SLC25A48: variants seen among roughly 807,000 people sequenced by gnomAD.
SLC25A48 encodes CTC-321K16.1.
SLC25A48 carries 29 observed loss-of-function variants against 32.2 expected under a neutral mutation model. The ratio of observed to expected loss-of-function variants is 0.90; its 90% confidence interval spans 0.67 to 1.23. SLC25A48 has a LOEUF of 1.23. SLC25A48 is among the 50% of genes most tolerant of loss of function. The probability of loss-of-function intolerance (pLI) is 0.00; values close to 1 mark genes in which losing one functional copy is unlikely to be tolerated. For synonymous variants in SLC25A48, 164 were observed against 172.3 expected (o/e 0.95, Z 0.38); for missense variants, 399 against 422.7 (o/e 0.94, Z 0.49).
In SLC25A48 at chr5:135,645,007, C is replaced by T. The variant is rs192593279; in HGVS notation, c.-521+10051C>T. Among the ~76,000 whole-genome samples the T allele has an allele frequency of 2.6e-5, 4 of 152,318 alleles. No individual in the cohort carries two copies. In the East Asian group the frequency reaches 5.8e-4, roughly 22 times the overall value. ...AGGCAAGGGGGATCCGCTTTCCTGTCTCCTGCTCCATCTGTCCCCATTCTA... is the reference window on the plus strand; with the variant it reads ...AGGCAAGGGGGATCCGCTTTCCTGTTTCCTGCTCCATCTGTCCCCATTCTA... On this transcript the variant is annotated intron_variant, in intron 3 of 10. Coordinates refer to the SLC25A48 transcript ENST00000646290.
At chr5:135,766,896 T>G (rs1400283856) in intron 3 of SLC25A48, among the ~76,000 whole-genome samples, 2 of 151,816 alleles carry the variant, frequency 1.3e-5, no homozygotes, top group African/African-American at 4.8e-5. Flanking sequence ...TCAGGGGGTG[T>G]GTACACTCTC....
At chr5:135,821,020 C>T (rs137914809) in intron 4 of SLC25A48, among the ~76,000 whole-genome samples, 216 of 152,324 alleles carry the variant, frequency 1.4e-3, no homozygotes, top group Non-Finnish European at 2.6e-3. Flanking sequence ...GCTTTCTTGC[C>T]TCAAGCCCTA....
At chr5:135,703,870 T>C (rs1754448799) in intron 3 of SLC25A48, among the ~76,000 whole-genome samples, 1 of 152,194 alleles carries the variant, frequency 6.6e-6, no homozygotes, top group Non-Finnish European at 1.5e-5. Context: ...GCATCCTTTT[T>C]CTGCGTACTG....
intron 3 of SLC25A48, among the ~76,000 whole-genome samples, chr5:135,727,273 A>G (rs957302851): frequency 7.2e-6 from 1 of 138,346 alleles, no homozygotes; most frequent in African/African-American, 2.7e-5. Flanking sequence ...TCTAAAATAC[A>G]TATATATGTA....
intron 3 of SLC25A48, among the ~76,000 whole-genome samples, chr5:135,690,943 C>T (rs1482479112): frequency 3.2e-5 from 2 of 62,436 alleles, no homozygotes; most frequent in East Asian, 6.3e-4. Context: ...TCAGGGAAGG[C>T]ATTTTTTTTT....
chr5:135,711,527 G>A (rs985660047), intron 3 of SLC25A48, among the ~76,000 whole-genome samples: 14 of 152,194 alleles, frequency 9.2e-5, no homozygotes, highest in African/African-American at 3.1e-4. Context: ...GGAGTGCCAT[G>A]TGATCTGCTA....
chr5:135,796,952 G>T (rs1757196608), intron 3 of SLC25A48, among the ~76,000 whole-genome samples: 1 of 151,610 alleles, frequency 6.6e-6, no homozygotes, highest in East Asian at 1.9e-4. Context: ...GGAAAAGAAT[G>T]ATATTTCTCC....
intron 3 of SLC25A48, among the ~76,000 whole-genome samples, chr5:135,751,434 CT>C: frequency 6.6e-6 from 1 of 152,306 alleles, no homozygotes; most frequent in Admixed American, 6.5e-5. Context: ...CCACCGTGTC[CT>C]GTGGCCCCTT....
chr5:135,832,088 G>A (rs937497099), upstream of SLC25A48, among the ~76,000 whole-genome samples: 4 of 152,164 alleles, frequency 2.6e-5, no homozygotes, highest in Admixed American at 1.3e-4. Context: ...AGAGGCACTG[G>A]CGGAGGAAGA....
At chr5:135,822,563 T>C (rs1341039179) in intron 4 of SLC25A48, among the ~76,000 whole-genome samples, 2 of 152,150 alleles carry the variant, frequency 1.3e-5, no homozygotes, top group Non-Finnish European at 2.9e-5. Context: ...TACCTGTGTG[T>C]CTGTGTCCAA....
At chr5:135,767,949 T>A (rs1244858096) in intron 3 of SLC25A48, among the ~76,000 whole-genome samples, 5 of 142,030 alleles carry the variant, frequency 3.5e-5, no homozygotes, top group Admixed American at 3.4e-4. Flanking sequence ...ATATTGTTTG[T>A]AATATCCGGG....
intron 3 of SLC25A48, among the ~76,000 whole-genome samples, chr5:135,714,017 G>A (rs1443178150): frequency 6.6e-6 from 1 of 152,220 alleles, no homozygotes; most frequent in African/African-American, 2.4e-5. Context: ...CGAGATGCAA[G>A]GCAGGGCTTA....
At chr5:135,616,646 T>TC (rs1752198276) in intron 1 of SLC25A48, among the ~76,000 whole-genome samples, 1 of 152,208 alleles carries the variant, frequency 6.6e-6, no homozygotes, top group Admixed American at 6.5e-5. Context: ...ACTTGCCTTG[T>TC]CTCAGATGAG....
chr5:135,818,101 CTCTCTCT>C (rs1757782900), intron 4 of SLC25A48, among the ~76,000 whole-genome samples: 1 of 130,976 alleles, frequency 7.6e-6, no homozygotes, highest in Non-Finnish European at 1.7e-5. Context: ...CTCTCTCTCT[CTCTCTCT>C]CTCTCTCTCT....
chr5:135,844,014 G>A (rs868291403), intron 2 of SLC25A48, among the ~76,000 whole-genome samples: 1 of 152,132 alleles, frequency 6.6e-6, no homozygotes, highest in Non-Finnish European at 1.5e-5. Flanking sequence ...CCAGAGTTAG[G>A]GCCCATGTCT....
At chr5:135,724,011 T>A (rs1039795156) in intron 3 of SLC25A48, among the ~76,000 whole-genome samples, 1 of 152,206 alleles carries the variant, frequency 6.6e-6, no homozygotes, top group Non-Finnish European at 1.5e-5. Context: ...AATAAGTGTC[T>A]TTGTTTTCTA....
At chr5:135,868,621 T>G (rs1761393122) in intron 4 of SLC25A48, among the ~76,000 whole-genome samples, 3 of 151,840 alleles carry the variant, frequency 2.0e-5, no homozygotes, top group Middle Eastern at 3.4e-3. Context: ...GTTTAGAAAA[T>G]GAAGTTATGT....
intron 3 of SLC25A48, among the ~76,000 whole-genome samples, chr5:135,642,724 G>C (rs542069986): frequency 6.6e-6 from 1 of 152,254 alleles, no homozygotes; most frequent in East Asian, 1.9e-4. Flanking sequence ...ATGTGTGCAG[G>C]AGTGGTTTGG....
Position 135,880,043 on chromosome 5 carries a change from C to G in SLC25A48, c.889C>G (p.Leu297Val), listed in dbSNP as rs1437901875. ...MSAAMFLGYE[L>V]SLQAIRGDHA... ...TGCGGCCATGTTCCTTGGGTACGAG[C>G]TGTCGCTGCAGGCTATCCGCGGGGA... The change falls in exon 7 of 8, where the codon CTG becomes GTG. Residue 297 changes from leucine to valine, a missense_variant. By Grantham distance (32) the Leu-to-Val change is conservative. Coordinates refer to ENST00000681962, the MANE Select transcript of SLC25A48 (RefSeq NM_001349336.2). The G allele has an allele frequency of 6.5e-7, 1 of 1,536,248 alleles. No homozygotes were observed. Among genetic ancestry groups the G allele is most frequent in the East Asian group, 2.4e-5 (1 of 40,918 alleles).
Sources: allele counts gnomAD v4.1 joint callset (sites outside exome capture counted in the v4.1 genomes callset), GRCh38; gene constraint gnomAD v4.1.1; transcripts MANE v1.5; gene names NCBI Gene and HGNC (gene_info 2026-07-23, HGNC 2026-07-21).